PTPRG: variants seen among roughly 807,000 people sequenced by gnomAD.
PTPRG encodes the protein protein tyrosine phosphatase receptor type G.
PTPRG carries 102 observed loss-of-function variants against 165.3 expected under a neutral mutation model. The observed-to-expected ratio is 0.62, with a 90% CI of 0.53 to 0.73. The LOEUF is 0.73. PTPRG is among the 30% of genes least tolerant of loss of function. The pLI, the probability that PTPRG is intolerant of heterozygous loss-of-function variation, is 0.00. For missense variants in PTPRG, 1,866 were observed against 1,861.4 expected, an observed-to-expected ratio of 1.00 and a Z score of -0.05; for synonymous variants, 675 against 669.5, an observed-to-expected ratio of 1.01 and a Z score of -0.13.
At chr3:62,204,079 A>T in intron 12 of PTPRG, 129 bp downstream of exon 12, 1 of 1,404,486 alleles carries the variant, frequency 7.1e-7, no homozygotes, top group Non-Finnish European at 9.3e-7. Flanking sequence ...TATGTCTGTC[A>T]TAGAAAAGGT....
Position 62,166,197 on chromosome 3 carries a change from C to CTT in PTPRG, c.841-1739_841-1738dup, listed in dbSNP as rs564761041. 2.9e-3 allele frequency among the ~76,000 whole-genome samples: 158 copies of CTT among 53,934 alleles called. 60 individuals are homozygous for CTT. The highest frequency in any genetic ancestry group is 4.2e-3 in the Admixed American group (18 of 4,336). The allele number at this position is 53,934 out of a possible 152,430, so 35.4% of individuals were successfully genotyped here. A position where few individuals can be genotyped will look rare whatever the true frequency, so the allele number is the denominator to read the frequency against. On this transcript the variant is annotated intron_variant, in intron 7 of 29. Coordinates refer to ENST00000474889, the MANE Select transcript of PTPRG (RefSeq NM_002841.4). ...TGGCTGCATATTTCAAATTACAGTT[C>CTT]TTTTTTTTTTTTTTTTTTTTTTTTT...
intron 4 of PTPRG, among the ~76,000 whole-genome samples, chr3:62,066,641 A>G (rs1183020828): frequency 6.6e-6 from 1 of 152,204 alleles, no homozygotes; most frequent in Non-Finnish European, 1.5e-5. Context: ...CCAGCTTTAT[A>G]CATAGAATAG....
At chr3:62,123,565 A>G (rs887219790) in intron 5 of PTPRG, among the ~76,000 whole-genome samples, 5 of 152,212 alleles carry the variant, frequency 3.3e-5, no homozygotes, top group East Asian at 1.9e-4. Context: ...TCACCATTCA[A>G]TAAACACACT....
At chr3:62,162,950 T>C (rs1219236345) in intron 7 of PTPRG, among the ~76,000 whole-genome samples, 1 of 151,900 alleles carries the variant, frequency 6.6e-6, no homozygotes, top group Admixed American at 6.6e-5. Flanking sequence ...AGAAAAGAGG[T>C]TTAATTGGCT....
At chr3:61,777,393 G>C (rs2034418898) in intron 2 of PTPRG, among the ~76,000 whole-genome samples, 1 of 152,154 alleles carries the variant, frequency 6.6e-6, no homozygotes, top group East Asian at 1.9e-4. Flanking sequence ...AGAGAAATAA[G>C]CTTTCAATCT....
chr3:62,044,941 A>G (rs967926183), intron 4 of PTPRG, among the ~76,000 whole-genome samples: 1 of 152,196 alleles, frequency 6.6e-6, no homozygotes, highest in African/African-American at 2.4e-5. Flanking sequence ...AAGACTGAGC[A>G]TAGTAATTAT....
At chr3:61,904,692 G>A (rs1043297507) in intron 2 of PTPRG, among the ~76,000 whole-genome samples, 9 of 152,236 alleles carry the variant, frequency 5.9e-5, no homozygotes, top group Admixed American at 5.2e-4. Context: ...TTTCTAAAAT[G>A]CTGTCCCCTA....
chr3:61,843,081 G>GT (rs1384552111), intron 2 of PTPRG, among the ~76,000 whole-genome samples: 1 of 152,118 alleles, frequency 6.6e-6, no homozygotes, highest in African/African-American at 2.4e-5. Context: ...CATAGAAGAA[G>GT]TTTTTTATCT....
At chr3:62,249,641 A>G (rs1326409433) in intron 15 of PTPRG, among the ~76,000 whole-genome samples, 7 of 152,164 alleles carry the variant, frequency 4.6e-5, no homozygotes, top group African/African-American at 1.7e-4. Context: ...AAGAAGGGAT[A>G]TTTTATTAAA....
At chr3:61,720,075 C>A (rs2106787669) in intron 1 of PTPRG, among the ~76,000 whole-genome samples, 1 of 152,182 alleles carries the variant, frequency 6.6e-6, no homozygotes, top group South Asian at 2.1e-4. Context: ...CATTATTTAT[C>A]CCTCCTCCGT....
At position 62,034,926 on chromosome 3, in the gene PTPRG, C is replaced by G. The variant is rs374664927; in HGVS notation, c.519+31429C>G. Among the ~76,000 whole-genome samples, 171 of 152,220 alleles carry G rather than the reference C, an allele frequency of 1.1e-3. 1 individual carries two copies. Among genetic ancestry groups the G allele is most frequent in the African/African-American group, 3.9e-3 (161 of 41,538 alleles). On this transcript the variant is annotated intron_variant, in intron 4 of 29. Transcript: ENST00000474889. ...AATTAACTTAGTCTATGTGGCCATC[C>G]CTGTCCGTGGCTCCTTCTTGGGGAG... is the stretch of plus-strand genomic sequence containing the variant.
Position 62,277,508 on chromosome 3 carries a change from A to G in PTPRG, c.3637-43A>G, listed in dbSNP as rs897928515. On this transcript the variant is annotated intron_variant, in intron 25 of 29. Transcript: ENST00000474889. ...ATTTTACTACCACAAAGTTAGAATA[A>G]AACACTCATATTCACTGATTTTTTT... is the stretch of plus-strand genomic sequence containing the variant. 3.1e-6 allele frequency: 5 copies of G among 1,593,494 alleles called. No individual in the cohort carries two copies. The African/African-American group carries it at 6.7e-5, about 21-fold the overall frequency.
chr3:62,139,809 ATC>A (rs1469844338), intron 6 of PTPRG, among the ~76,000 whole-genome samples: 1 of 152,196 alleles, frequency 6.6e-6, no homozygotes, highest in Non-Finnish European at 1.5e-5. Flanking sequence ...GACACCCATC[ATC>A]TCCTCACCAA....
At chr3:62,107,887 T>C (rs537474998) in intron 5 of PTPRG, among the ~76,000 whole-genome samples, 78 of 152,326 alleles carry the variant, frequency 5.1e-4, no homozygotes, top group African/African-American at 1.8e-3. Context: ...CTTTTTAGCA[T>C]ATGCTGATGA....
intron 12 of PTPRG, among the ~76,000 whole-genome samples, chr3:62,206,749 A>G (rs11706234): frequency 0.23 from 34,987 of 151,714 alleles, 4,409 homozygotes; most frequent in African/African-American, 0.32. Context: ...CCTGGGCAAC[A>G]TGGTGAAACC....
chr3:61,708,658 TG>T (rs748334452), intron 1 of PTPRG, among the ~76,000 whole-genome samples: 5 of 151,742 alleles, frequency 3.3e-5, no homozygotes, highest in Non-Finnish European at 5.9e-5. Context: ...GGGGTTTCAC[TG>T]TGTTAGCCAG....
At chr3:61,829,728 C>CAAAA (rs2036218384) in intron 2 of PTPRG, among the ~76,000 whole-genome samples, 1 of 152,072 alleles carries the variant, frequency 6.6e-6, no homozygotes, top group Non-Finnish European at 1.5e-5. Flanking sequence ...GACACAGCTT[C>CAAAA]CTTTTGGTTT....
chr3:62,033,438 A>G (rs1342977366), intron 4 of PTPRG, among the ~76,000 whole-genome samples: 1 of 144,394 alleles, frequency 6.9e-6, no homozygotes, highest in Admixed American at 7.2e-5. Flanking sequence ...ATCATGGCTC[A>G]CTGCAACCTC....
chr3:61,957,067 T>C (rs180929736), intron 2 of PTPRG, among the ~76,000 whole-genome samples: 1 of 152,348 alleles, frequency 6.6e-6, no homozygotes, highest in East Asian at 1.9e-4. Context: ...AAACTTGTAC[T>C]GTGAATGCAT....
Sources: allele counts gnomAD v4.1 joint callset (sites outside exome capture counted in the v4.1 genomes callset), GRCh38; gene constraint gnomAD v4.1.1; transcripts MANE v1.5; gene names NCBI Gene and HGNC (gene_info 2026-07-23, HGNC 2026-07-21).